Variants in SLIT2 observed in about 807,000 individuals in gnomAD.
SLIT2 encodes slit guidance ligand 2.
Under a neutral mutation model 185.7 loss-of-function variants are expected in SLIT2, and 41 were observed. That is an observed-to-expected ratio of 0.22 (90% confidence interval 0.17 to 0.29). The LOEUF (loss-of-function observed/expected upper bound fraction) is 0.29, where lower values mean the gene tolerates loss of function less well. Ranked by LOEUF, SLIT2 falls within the 10% of genes least tolerant of loss-of-function variation. SLIT2 has a pLI of 1.00. For synonymous variants in SLIT2, 693 were observed against 680.2 expected (o/e 1.02, Z -0.29); for missense variants, 1,571 against 1,909.0 (o/e 0.82, Z 3.30).
chr4:20,410,724 T>G (rs1157266614), intron 4 of SLIT2, among the ~76,000 whole-genome samples: 2 of 152,106 alleles, frequency 1.3e-5, no homozygotes, highest in Non-Finnish European at 2.9e-5. Context: ...ATCAGATGGT[T>G]GTAGGTGTGC....
intron 12 of SLIT2, among the ~76,000 whole-genome samples, chr4:20,520,361 G>A (rs1367077967): frequency 6.6e-6 from 1 of 152,140 alleles, no homozygotes; most frequent in Non-Finnish European, 1.5e-5. Context: ...ATTAAAACTT[G>A]GTGGTTAATC....
chr4:20,350,982 A>C (rs573615893), intron 4 of SLIT2, among the ~76,000 whole-genome samples: 1 of 152,242 alleles, frequency 6.6e-6, no homozygotes, highest in South Asian at 2.1e-4. Flanking sequence ...GCCATTGTTC[A>C]CAGTAGATCT....
chr4:20,581,952 G>T (rs1342141533), intron 29 of SLIT2, among the ~76,000 whole-genome samples: 2 of 152,160 alleles, frequency 1.3e-5, no homozygotes, highest in Non-Finnish European at 2.9e-5. Context: ...TCACCATCTT[G>T]GCCAGGCTTG....
chr4:20,570,032 G>A (rs946706934), intron 29 of SLIT2, among the ~76,000 whole-genome samples: 23 of 151,994 alleles, frequency 1.5e-4, no homozygotes, highest in African/African-American at 5.3e-4. Context: ...ACTTTACTAG[G>A]TACCTTTCTT....
intron 4 of SLIT2, among the ~76,000 whole-genome samples, chr4:20,361,741 T>A (rs1402045499): frequency 1.3e-5 from 2 of 152,120 alleles, no homozygotes; most frequent in Non-Finnish European, 2.9e-5. Context: ...AAAACAATTT[T>A]GCATAAGAAA....
chr4:20,442,606 C>CGGAAA (rs1489278575), intron 4 of SLIT2, among the ~76,000 whole-genome samples: 2 of 150,988 alleles, frequency 1.3e-5, no homozygotes, highest in Non-Finnish European at 2.9e-5. Flanking sequence ...ATGTGAAACT[C>CGGAAA]GGAAAGGAGC....
chr4:20,299,370 G>T (rs1039355149), intron 4 of SLIT2, among the ~76,000 whole-genome samples: 18 of 152,172 alleles, frequency 1.2e-4, no homozygotes, highest in African/African-American at 4.3e-4. Context: ...CATGTTTTTA[G>T]TGAAGAAATA....
At chr4:20,454,435 A>G (rs1712820679) in intron 4 of SLIT2, among the ~76,000 whole-genome samples, 1 of 152,186 alleles carries the variant, frequency 6.6e-6, no homozygotes, top group African/African-American at 2.4e-5. Flanking sequence ...TTTAATCTGT[A>G]ATGACATTTA....
At chr4:20,270,375 C>T (rs1038478919) in intron 4 of SLIT2, among the ~76,000 whole-genome samples, 3 of 151,898 alleles carry the variant, frequency 2.0e-5, no homozygotes, top group African/African-American at 4.8e-5. Flanking sequence ...ATTATATTCT[C>T]CTTGACATTT....
intron 4 of SLIT2, among the ~76,000 whole-genome samples, chr4:20,336,608 C>T (rs1450485832): frequency 1.3e-5 from 2 of 151,850 alleles, no homozygotes; most frequent in East Asian, 3.9e-4. Context: ...TGCAGCACAC[C>T]AACATGGCAC....
Position 20,256,797 on chromosome 4 carries a change from T to A in SLIT2, c.251+54T>A, listed in dbSNP as rs900071751. 4 of 841,172 alleles carry A rather than the reference T, an allele frequency of 4.8e-6. No homozygotes were observed. The Admixed American group carries it at 9.1e-5, about 19-fold the overall frequency. 52.1% of individuals were successfully genotyped at this position (841,172 alleles called of 1,614,324 possible). On this transcript the variant is annotated intron_variant, in intron 2 of 36. Coordinates refer to ENST00000504154, the MANE Select transcript of SLIT2 (RefSeq NM_004787.4). ...ATTTTTTAAGGTTGCATATTTTGAA[T>A]CATTACTGGCCTCAGTTTTTATGAC...
At chr4:20,456,417 A>G (rs997716226) in intron 4 of SLIT2, among the ~76,000 whole-genome samples, 4 of 151,870 alleles carry the variant, frequency 2.6e-5, no homozygotes, top group Non-Finnish European at 5.9e-5. Context: ...CATCCCCATC[A>G]CTGTCCCTAA....
At chr4:20,599,685 G>A (rs1404386639) in intron 33 of SLIT2, among the ~76,000 whole-genome samples, 1 of 151,866 alleles carries the variant, frequency 6.6e-6, no homozygotes. Flanking sequence ...CAGAAATCTG[G>A]GGTTTTTTTA....
chr4:20,605,824 G>A (rs183411907), intron 33 of SLIT2, among the ~76,000 whole-genome samples: 34 of 150,868 alleles, frequency 2.3e-4, no homozygotes, highest in Admixed American at 2.3e-3. Context: ...TCGGCTCACT[G>A]CAACCTCTGC....
rs530004849 is a variant in SLIT2 at position 20,390,777 on chromosome 4, A to T, written c.396-76975A>T. On this transcript the variant is annotated intron_variant, in intron 4 of 36. Coordinates refer to ENST00000504154, the MANE Select transcript of SLIT2 (RefSeq NM_004787.4). ...AGATCTTATTTTTTTTTTTTAAAAA[A>T]AAATATATATATACTAAGACAATTA... Among the ~76,000 whole-genome samples, 1,177 of 143,590 alleles carry T rather than the reference A, an allele frequency of 8.2e-3. 21 individuals carry two copies. The highest frequency in any genetic ancestry group is 0.028 in the Middle Eastern group (8 of 282). The allele number at this position is 143,590 out of a possible 152,430, so 94.2% of individuals were successfully genotyped here.
At chr4:20,465,523 C>T (rs1714236667) in intron 4 of SLIT2, among the ~76,000 whole-genome samples, 1 of 152,074 alleles carries the variant, frequency 6.6e-6, no homozygotes, top group African/African-American at 2.4e-5. Flanking sequence ...CATAGTGTGG[C>T]CTGTGGAGCC....
rs868662086 is a variant in SLIT2 at position 20,543,620 on chromosome 4, A to G, written c.2276+994A>G. 3.3e-5 allele frequency among the ~76,000 whole-genome samples: 5 copies of G among 152,344 alleles called. No homozygotes were observed. In the South Asian group the frequency reaches 1.0e-3, roughly 32 times the overall value. On this transcript the variant is annotated intron_variant, in intron 21 of 36. Transcript: ENST00000504154. The stretch of plus-strand genomic sequence containing the variant: ...TGAGCAGGTTTGACAAACTTTTGAC[A>G]GTGTGCAACATAGGTAATGAGGTTC...
Position 20,491,837 on chromosome 4 carries a change from A to G in SLIT2, c.852A>G (p.Val284=), listed in dbSNP as rs1717809957. Residue 284 remains valine, a synonymous_variant, in exon 9 of 37, where the codon GTA becomes GTG. Coordinates refer to ENST00000504154, the MANE Select transcript of SLIT2 (RefSeq NM_004787.4). ...PAACTCSNNI[V]DCRGKGLTEI... ...CCTGTACCTGTAGCAACAATATCGTAGACTGTCGTGGGAAAGGTCTCACTG... is the reference window on the plus strand; with the variant it reads ...CCTGTACCTGTAGCAACAATATCGTGGACTGTCGTGGGAAAGGTCTCACTG... 6.2e-7 allele frequency: 1 copy of G among 1,613,850 alleles called. No homozygotes were observed. The highest frequency in any genetic ancestry group is 1.3e-5 in the African/African-American group (1 of 74,988).
intron 5 of SLIT2, among the ~76,000 whole-genome samples, chr4:20,476,038 A>G (rs1716072623): frequency 6.6e-6 from 1 of 152,154 alleles, no homozygotes; most frequent in South Asian, 2.1e-4. Flanking sequence ...TTTCTTTACC[A>G]GTTTTGAAGT....
Sources: allele counts gnomAD v4.1 joint callset (sites outside exome capture counted in the v4.1 genomes callset), GRCh38; gene constraint gnomAD v4.1.1; transcripts MANE v1.5; gene names NCBI Gene and HGNC (gene_info 2026-07-23, HGNC 2026-07-21).